The following RNF125 variants were observed in gnomAD, a reference collection of about 807,000 sequenced individuals.
The protein encoded by RNF125 is E3 ubiquitin-protein ligase RNF125.
In RNF125, 21 loss-of-function variants were observed where a neutral mutation model predicts 26.0. That is an observed-to-expected ratio of 0.81 (90% CI 0.57 to 1.16). The LOEUF (loss-of-function observed/expected upper bound fraction) is 1.16, where lower values mean the gene tolerates loss of function less well. RNF125 is among the 50% of genes most tolerant of loss of function. The pLI, the probability that RNF125 is intolerant of heterozygous loss-of-function variation, is 0.00. For synonymous variants in RNF125, 95 were observed against 109.2 expected, an observed-to-expected ratio of 0.87 and a Z score of 0.81; for missense variants, 270 against 299.4, an observed-to-expected ratio of 0.90 and a Z score of 0.72.
Position 32,068,307 on chromosome 18 carries a change from AT to A in RNF125, c.623del (p.Ile208LysfsTer11). On this transcript the variant is annotated frameshift_variant, in exon 6 of 6. Transcript: ENST00000217740. LOFTEE classifies it high-confidence loss of function. Reference sequence around the variant, plus strand: ...TTTTTCTTTATTGTAGGATTTTAATATAATTGAGGAAGCTCTTATCCGAAGA... The same window carrying A: ...TTTTTCTTTATTGTAGGATTTTAATAAATTGAGGAAGCTCTTATCCGAAGA... ...LFYDDFIDFN[I>X]IEEALIRRVL... 6.5e-7 allele frequency: 1 copy of A among 1,539,534 alleles called. No individual in the cohort carries two copies. Among genetic ancestry groups the A allele is most frequent in the Non-Finnish European group, 9.0e-7 (1 of 1,113,842 alleles).
Position 32,064,426 on chromosome 18 carries a change from G to C in RNF125, c.505-1476G>C, listed in dbSNP as rs564227706. ...TTTTTTTTTTTTTTTTTTTGAGACAGAGCTGGTGCCTCGGCTGCCTGAGTA... is the reference window on the plus strand; with the variant it reads ...TTTTTTTTTTTTTTTTTTTGAGACACAGCTGGTGCCTCGGCTGCCTGAGTA... On this transcript the variant is annotated intron_variant, in intron 4 of 5. Transcript: ENST00000217740. 2.0e-4 allele frequency among the ~76,000 whole-genome samples: 22 copies of C among 108,212 alleles called. No homozygotes were observed. In the South Asian group the frequency reaches 2.7e-3, roughly 13 times the overall value. 71.0% of individuals were successfully genotyped at this position (108,212 alleles called of 152,430 possible). A position where few individuals can be genotyped will look rare whatever the true frequency, so the allele number is the denominator to read the frequency against.
chr18:32,053,430 TG>T (rs1258350850), intron 4 of RNF125, among the ~76,000 whole-genome samples: 2 of 146,388 alleles, frequency 1.4e-5, no homozygotes, highest in African/African-American at 5.5e-5. Context: ...GCACTGAGTA[TG>T]ATTATTTTAG....
intron 3 of RNF125, 138 bp from the exon 4 acceptor site, chr18:32,045,504 T>C: frequency 2.4e-6 from 1 of 418,872 alleles, no homozygotes. Flanking sequence ...GAGGTTGCAT[T>C]GAGCTGAGAT....
intron 4 of RNF125, among the ~76,000 whole-genome samples, chr18:32,057,914 C>G (rs539680338): frequency 6.6e-6 from 1 of 152,034 alleles, no homozygotes; most frequent in East Asian, 1.9e-4. Context: ...AACAAGTTAC[C>G]AGATGGTGAC....
intron 4 of RNF125, among the ~76,000 whole-genome samples, chr18:32,062,861 C>G (rs2039447376): frequency 1.3e-5 from 2 of 152,082 alleles, no homozygotes; most frequent in Admixed American, 1.3e-4. Flanking sequence ...AGAATACTAC[C>G]TAATTTACTA....
the RNF125 span, among the ~76,000 whole-genome samples, chr18:32,088,320 A>G: frequency 3.3e-5 from 5 of 152,296 alleles, no homozygotes; most frequent in South Asian, 1.0e-3. Flanking sequence ...CTCCTGTTCC[A>G]TCCTCCAGCT....
chr18:32,077,683 A>G (rs552029066), downstream of RNF125, among the ~76,000 whole-genome samples: 1 of 152,100 alleles, frequency 6.6e-6, no homozygotes, highest in African/African-American at 2.4e-5. Flanking sequence ...TTTTGAAAGA[A>G]GAAAAAAATC....
intron 4 of RNF125, among the ~76,000 whole-genome samples, chr18:32,052,796 T>C (rs539540456): frequency 2.6e-5 from 4 of 152,172 alleles, no homozygotes; most frequent in Non-Finnish European, 5.9e-5. Flanking sequence ...TGTCCAGCTC[T>C]TTTACACTTG....
intron 4 of RNF125, among the ~76,000 whole-genome samples, chr18:32,056,132 ATTT>A (rs2039380494): frequency 1.3e-5 from 2 of 151,694 alleles, no homozygotes; most frequent in African/African-American, 2.4e-5. Flanking sequence ...TTTTCCTGGA[ATTT>A]GCAAGGATTC....
intron 4 of RNF125, among the ~76,000 whole-genome samples, chr18:32,056,595 T>TG (rs530636571): frequency 8.5e-4 from 107 of 125,776 alleles, no homozygotes; most frequent in Non-Finnish European, 1.2e-3. Context: ...CACTCTAGCC[T>TG]GGGCAAAAAG....
intron 4 of RNF125, among the ~76,000 whole-genome samples, chr18:32,049,578 G>A (rs1205236121): frequency 1.3e-5 from 2 of 151,818 alleles, no homozygotes; most frequent in Non-Finnish European, 2.9e-5. Flanking sequence ...CCCACATGGG[G>A]TGGTGGTGTG....
At chr18:32,076,324 GT>G (rs566452118), downstream of RNF125, 764 of 268,134 alleles carry the variant, frequency 2.8e-3, no homozygotes, top group Middle Eastern at 8.7e-3. Context: ...TTGTTTTTTT[GT>G]TTTTTTTTTG....
downstream of RNF125, chr18:32,075,925 G>A (rs1025983191): frequency 4.7e-5 from 71 of 1,508,780 alleles, no homozygotes; most frequent in Admixed American, 4.4e-4. Flanking sequence ...GTGTGTTTTC[G>A]TCTTTGCTTC....
At chr18:32,063,359 A>G (rs2039452995) in intron 4 of RNF125, among the ~76,000 whole-genome samples, 1 of 152,156 alleles carries the variant, frequency 6.6e-6, no homozygotes, top group Admixed American at 6.6e-5. Flanking sequence ...GCAAATTAAA[A>G]CCATGGTGAG....
intron 4 of RNF125, among the ~76,000 whole-genome samples, chr18:32,053,385 CAT>C (rs2039347630): frequency 6.6e-6 from 1 of 151,150 alleles, no homozygotes; most frequent in South Asian, 2.1e-4. Flanking sequence ...AAAGAAAGAA[CAT>C]ATATGTCATT....
chr18:32,022,305 A>AC (rs2038993492), intron 1 of RNF125, among the ~76,000 whole-genome samples: 1 of 152,194 alleles, frequency 6.6e-6, no homozygotes, highest in Non-Finnish European at 1.5e-5. Context: ...ATTGTGATGC[A>AC]GTAGTAACTG....
chr18:32,087,512 C>G, the RNF125 span, among the ~76,000 whole-genome samples: 1 of 151,740 alleles, frequency 6.6e-6, no homozygotes, highest in Non-Finnish European at 1.5e-5. Context: ...AGAGGACACC[C>G]ATTTGCTGTC....
Position 32,068,495 on chromosome 18 carries a change from G to T in RNF125, c.*111G>T. 1 of 677,670 alleles carries T rather than the reference G, an allele frequency of 1.5e-6. No individual in the cohort carries two copies. Among genetic ancestry groups the T allele is most frequent in the South Asian group, 1.7e-5 (1 of 59,138 alleles). 42.0% of individuals were successfully genotyped at this position (677,670 alleles called of 1,614,324 possible). A position where few individuals can be genotyped will look rare whatever the true frequency, so the allele number is the denominator to read the frequency against. On this transcript the variant is annotated 3_prime_UTR_variant, in exon 6 of 6. Transcript: ENST00000217740. ...TTGATGGGCAAAAATGTACAACACA[G>T]TTATGTGTTTGTCCATGTTTATTGT...
intron 1 of RNF125, among the ~76,000 whole-genome samples, chr18:32,028,972 G>T (rs1171942347): frequency 6.6e-6 from 1 of 152,024 alleles, no homozygotes; most frequent in Non-Finnish European, 1.5e-5. Flanking sequence ...CATAGTAAAG[G>T]CTCAAAACAT....
Sources: gnomAD v4.1 joint callset for allele counts (sites outside exome capture counted in the v4.1 genomes callset) on GRCh38, gnomAD v4.1.1 for gene constraint, MANE v1.5 for transcripts, NCBI Gene and HGNC (gene_info 2026-07-23, HGNC 2026-07-21) for gene names.